DPP6: variants seen among roughly 807,000 people sequenced by gnomAD.
DPP6 encodes dipeptidyl peptidase like 6.
In DPP6, 69 loss-of-function variants were observed where a neutral mutation model predicts 122.6. The ratio of observed to expected loss-of-function variants is 0.56; its 90% CI spans 0.46 to 0.69. The LOEUF is 0.69. Ranked by LOEUF, DPP6 falls within the 30% of genes least tolerant of loss-of-function variation. The pLI, the probability that DPP6 is intolerant of heterozygous loss-of-function variation, is 0.00. For synonymous variants in DPP6, 418 were observed against 433.1 expected (o/e 0.97, Z 0.43); for missense variants, 928 against 1,116.9 (o/e 0.83, Z 2.41).
chr7:154,000,517 A>T (rs1444706433), intron 1 of DPP6, among the ~76,000 whole-genome samples: 1 of 152,092 alleles, frequency 6.6e-6, no homozygotes, highest in Non-Finnish European at 1.5e-5. Flanking sequence ...GAGAGAATGC[A>T]CCCTGCGTAT....
At chr7:153,906,574 C>CT (rs1799861172) in intron 1 of DPP6, among the ~76,000 whole-genome samples, 1 of 152,182 alleles carries the variant, frequency 6.6e-6, no homozygotes, top group East Asian at 1.9e-4. Context: ...CCTCAGCCTC[C>CT]TGAGTAGCTG....
chr7:153,793,919 T>A, the DPP6 span, among the ~76,000 whole-genome samples: 7,585 of 132,486 alleles, frequency 0.057, no homozygotes, highest in African/African-American at 0.15. Context: ...CAGCTTCCAC[T>A]TGGTGTTGAG....
intron 1 of DPP6, among the ~76,000 whole-genome samples, chr7:154,032,326 C>T: frequency 6.6e-6 from 1 of 152,134 alleles, no homozygotes; most frequent in Non-Finnish European, 1.5e-5. Flanking sequence ...TGAGAAAGAG[C>T]AAGGAAGCCT....
the DPP6 span, among the ~76,000 whole-genome samples, chr7:153,868,001 C>T: frequency 4.5e-4 from 68 of 150,994 alleles, no homozygotes; most frequent in African/African-American, 1.3e-3. Flanking sequence ...GGGATGAAGC[C>T]GACTTGATCA....
intron 7 of DPP6, among the ~76,000 whole-genome samples, chr7:154,683,239 C>G (rs1839393323): frequency 1.3e-5 from 2 of 152,164 alleles, no homozygotes; most frequent in Admixed American, 6.5e-5. Context: ...CGTCTGACCT[C>G]CAGCCTAGAT....
At chr7:154,524,709 T>C (rs1234298789) in intron 3 of DPP6, among the ~76,000 whole-genome samples, 1 of 152,200 alleles carries the variant, frequency 6.6e-6, no homozygotes, top group Admixed American at 6.5e-5. Context: ...TTCTACTTAC[T>C]GATATTCCAT....
chr7:154,862,622 C>T (rs916950720), intron 17 of DPP6, among the ~76,000 whole-genome samples: 3 of 152,194 alleles, frequency 2.0e-5, no homozygotes, highest in East Asian at 3.9e-4. Context: ...CAGCAGCTCT[C>T]GGTGCCTCGA....
chr7:154,862,687 C>T (rs1803509729), intron 17 of DPP6, among the ~76,000 whole-genome samples: 1 of 152,278 alleles, frequency 6.6e-6, no homozygotes, highest in East Asian at 1.9e-4. Flanking sequence ...CATCCGTGGG[C>T]TGGAGGACAC....
intron 1 of DPP6, among the ~76,000 whole-genome samples, chr7:154,296,594 T>C (rs927224933): frequency 6.6e-6 from 1 of 152,198 alleles, no homozygotes; most frequent in Non-Finnish European, 1.5e-5. Flanking sequence ...ATTACCGTTA[T>C]CTTGTCATGA....
Position 154,052,979 on chromosome 7 carries a change from C to G in DPP6, c.159C>G (p.Pro53=). Residue 53 remains proline, a synonymous_variant, in exon 1 of 26, where the codon CCC becomes CCG. Coordinates refer to ENST00000377770, the MANE Select transcript of DPP6 (RefSeq NM_130797.4). The surrounding 1 kb of genome is among the most constrained non-coding windows in gnomAD (Gnocchi z 4.8). The part of the protein sequence containing the change: ...PLGPRAQAAA[P]RERGGGGGGA... ...GCCCGCGGGCGCAGGCGGCGGCGCC[C>G]CGGGAGCGCGGCGGCGGCGGCGGCG... 1 of 1,096,572 alleles carries G rather than the reference C, an allele frequency of 9.1e-7. No individual in the cohort carries two copies. Among genetic ancestry groups the G allele is most frequent in the Non-Finnish European group, 1.1e-6 (1 of 902,824 alleles). 67.9% of individuals were successfully genotyped at this position (1,096,572 alleles called of 1,614,324 possible).
intron 5 of DPP6, among the ~76,000 whole-genome samples, chr7:154,636,572 G>GC (rs1267268546): frequency 1.3e-5 from 2 of 152,222 alleles, no homozygotes; most frequent in African/African-American, 4.8e-5. Flanking sequence ...AAAGCAAGGG[G>GC]CCCCGGGCCG....
chr7:154,045,743 A>G (rs1318054309), intron 1 of DPP6, among the ~76,000 whole-genome samples: 1 of 152,260 alleles, frequency 6.6e-6, no homozygotes, highest in East Asian at 1.9e-4. Context: ...AACGGCATCT[A>G]TTCACAAAAG....
chr7:153,894,080 A>G (rs1331633733), intron 1 of DPP6, among the ~76,000 whole-genome samples: 1 of 152,168 alleles, frequency 6.6e-6, no homozygotes, highest in African/African-American at 2.4e-5. Flanking sequence ...CCCGCAACTC[A>G]CACATTGAGT....
intron 1 of DPP6, among the ~76,000 whole-genome samples, chr7:153,908,072 A>C (rs1799927802): frequency 6.6e-6 from 1 of 150,870 alleles, no homozygotes. Context: ...GAAGACAACA[A>C]GAATTGATAC....
At chr7:154,825,792 C>T (rs150658581) in intron 16 of DPP6, among the ~76,000 whole-genome samples, 11 of 152,266 alleles carry the variant, frequency 7.2e-5, no homozygotes, top group African/African-American at 1.7e-4. Flanking sequence ...GCACACAGCA[C>T]GTGGAGAAGG....
chr7:154,125,352 C>A (rs1049809265), intron 1 of DPP6, among the ~76,000 whole-genome samples: 6 of 152,168 alleles, frequency 3.9e-5, no homozygotes, highest in Admixed American at 3.3e-4. Flanking sequence ...TCTGAAAATT[C>A]TAGTGTAAAA....
At chr7:154,200,854 G>T (rs545073313) in intron 1 of DPP6, among the ~76,000 whole-genome samples, 179 of 152,248 alleles carry the variant, frequency 1.2e-3, no homozygotes, top group African/African-American at 3.9e-3. Flanking sequence ...TTGAACAAAT[G>T]CTGTCCAAGA....
intron 5 of DPP6, among the ~76,000 whole-genome samples, chr7:154,585,543 C>T (rs569336870): frequency 1.9e-4 from 29 of 152,300 alleles, no homozygotes; most frequent in African/African-American, 5.5e-4. Flanking sequence ...GTTACCAGAA[C>T]CCCCGTGGGT....
At chr7:154,349,269 A>C (rs1453365489) in intron 1 of DPP6, among the ~76,000 whole-genome samples, 1 of 152,292 alleles carries the variant, frequency 6.6e-6, no homozygotes, top group Non-Finnish European at 1.5e-5. Context: ...TCCACTTCCC[A>C]GGTTCAAGTG....
Sources: gnomAD v4.1 joint callset for allele counts (sites outside exome capture counted in the v4.1 genomes callset) on GRCh38, gnomAD v4.1.1 for gene constraint, Gnocchi (gnomAD v3.1) non-coding constraint, MANE v1.5 for transcripts, NCBI Gene and HGNC (gene_info 2026-07-23, HGNC 2026-07-21) for gene names.